Variants in HEATR4 observed in about 807,000 individuals in gnomAD.
HEATR4 encodes the protein HEAT repeat containing 4, also known as HEAT repeat-containing protein 4.
HEATR4 carries 95 observed loss-of-function variants against 108.8 expected under a neutral mutation model. That is an observed-to-expected ratio of 0.87 (90% CI 0.74 to 1.04). The LOEUF (loss-of-function observed/expected upper bound fraction) is 1.04. Ranked by LOEUF, HEATR4 falls within the 50% of genes least tolerant of loss-of-function variation. HEATR4 has a pLI of 0.00. For synonymous variants in HEATR4, 443 were observed against 459.4 expected, an observed-to-expected ratio of 0.96 and a Z score of 0.46; for missense variants, 1,152 against 1,253.8, an observed-to-expected ratio of 0.92 and a Z score of 1.23.
the HEATR4 span, among the ~76,000 whole-genome samples, chr14:73,608,431 C>A: frequency 6.6e-6 from 1 of 152,178 alleles, no homozygotes; most frequent in East Asian, 1.9e-4. Flanking sequence ...ACTTCAGTTC[C>A]CAACAAGTTC....
chr14:73,569,624 C>A, the HEATR4 span: 1 of 1,600,936 alleles, frequency 6.2e-7, no homozygotes, highest in Non-Finnish European at 8.5e-7. Context: ...AGCGCGCGCC[C>A]GCGCTGGGCG....
At chr14:73,583,635 C>G in the HEATR4 span, among the ~76,000 whole-genome samples, 2,730 of 152,014 alleles carry the variant, frequency 0.018, 83 homozygotes, top group African/African-American at 0.06. Flanking sequence ...TGATCCACAG[C>G]TGTTAACATT....
chr14:73,573,365 A>G, the HEATR4 span: 1 of 1,613,218 alleles, frequency 6.2e-7, no homozygotes, highest in Admixed American at 1.7e-5. Context: ...TTAGTTTTGC[A>G]TTTTGTTTTG....
the HEATR4 span, chr14:73,595,700 G>A: frequency 6.6e-7 from 1 of 1,504,002 alleles, no homozygotes; most frequent in Non-Finnish European, 8.9e-7. Context: ...TCAGATTCTA[G>A]TGTTCAGTAA....
chr14:73,632,259 A>T, the HEATR4 span, among the ~76,000 whole-genome samples: 1 of 152,082 alleles, frequency 6.6e-6, no homozygotes, highest in Non-Finnish European at 1.5e-5. Flanking sequence ...TACAGGCATG[A>T]GCCACCATGC....
chr14:73,494,382 G>A (rs61987093), intron 16 of HEATR4, among the ~76,000 whole-genome samples: 21,661 of 152,146 alleles, frequency 0.14, 2,236 homozygotes, highest in Non-Finnish European at 0.21. Context: ...TTTAGGTTGC[G>A]TCTGGGACTC....
intron 7 of HEATR4, among the ~76,000 whole-genome samples, chr14:73,509,811 C>CAT (rs1566832128): frequency 5.1e-5 from 1 of 19,492 alleles, no homozygotes; most frequent in Non-Finnish European, 9.0e-5. Flanking sequence ...CCCATGAGCC[C>CAT]ATATATATAT....
the HEATR4 span, chr14:73,569,550 A>G: frequency 2.5e-6 from 4 of 1,604,040 alleles, no homozygotes; most frequent in Non-Finnish European, 3.4e-6. Flanking sequence ...GCGCGACGAG[A>G]AGGGCGCGCT....
At chr14:73,526,125 G>A (rs1888323737) in intron 2 of HEATR4, among the ~76,000 whole-genome samples, 1 of 152,168 alleles carries the variant, frequency 6.6e-6, no homozygotes, top group South Asian at 2.1e-4. Flanking sequence ...GAGAGAATCT[G>A]TGCATGTGGT....
At chr14:73,480,221 C>T (rs1049193462) in intron 17 of HEATR4, among the ~76,000 whole-genome samples, 1 of 152,146 alleles carries the variant, frequency 6.6e-6, no homozygotes, top group Non-Finnish European at 1.5e-5. Flanking sequence ...GCAGGCAGCT[C>T]ACTTGAGGTC....
intron 2 of HEATR4, among the ~76,000 whole-genome samples, chr14:73,528,116 T>C (rs933842637): frequency 6.6e-6 from 1 of 151,234 alleles, no homozygotes; most frequent in Non-Finnish European, 1.5e-5. Flanking sequence ...TTAAGGAGGC[T>C]ATGCGCGGTG....
intron 17 of HEATR4, among the ~76,000 whole-genome samples, chr14:73,480,303 A>G (rs1023857421): frequency 2.6e-5 from 4 of 152,032 alleles, no homozygotes; most frequent in Non-Finnish European, 5.9e-5. Context: ...TTAGCCAGGC[A>G]TGGCGCAGAT....
chr14:73,501,837 T>G (rs1013550392), intron 11 of HEATR4, among the ~76,000 whole-genome samples: 1 of 151,700 alleles, frequency 6.6e-6, no homozygotes, highest in Non-Finnish European at 1.5e-5. Flanking sequence ...CACTGCAAGC[T>G]CCAACTCCCA....
the HEATR4 span, among the ~76,000 whole-genome samples, chr14:73,621,151 T>C: frequency 6.6e-6 from 1 of 152,024 alleles, no homozygotes. Context: ...AGGTGGAGGT[T>C]GCAGTGAGCC....
rs144581100 is a variant in HEATR4 at position 73,527,924 on chromosome 14, G to A, written c.-73+2242C>T. ...AACCTGACAGGCAGAGGTTGCCACCGTACTCCAGCCTGGGTAACAGGGGCA... is the reference window on the plus strand; with the variant it reads ...AACCTGACAGGCAGAGGTTGCCACCATACTCCAGCCTGGGTAACAGGGGCA... On this transcript the variant is annotated intron_variant, in intron 2 of 17. Transcript: ENST00000553558. Among the ~76,000 whole-genome samples, 912 of 131,666 alleles carry A rather than the reference G, an allele frequency of 6.9e-3. 8 individuals carry two copies. The highest frequency in any genetic ancestry group is 0.01 in the Non-Finnish European group (670 of 65,026). 86.4% of individuals were successfully genotyped at this position (131,666 alleles called of 152,430 possible).
intron 9 of HEATR4, 28 bp downstream of exon 9, chr14:73,508,106 T>G (rs776133547): frequency 3.7e-6 from 6 of 1,609,234 alleles, no homozygotes; most frequent in Non-Finnish European, 5.1e-6. Context: ...TCCCCAAAAC[T>G]GTGTCTGACC....
chr14:73,520,877 G>A lies in HEATR4; in HGVS notation c.1044C>T (p.Asn348=). 1 of 1,614,066 alleles carries A rather than the reference G, an allele frequency of 6.2e-7. No homozygotes were observed. Among genetic ancestry groups the A allele is most frequent in the Non-Finnish European group, 8.5e-7 (1 of 1,180,006 alleles). The change falls in exon 4 of 18, where the codon AAC becomes AAT. Residue 348 remains asparagine (N), a synonymous_variant. Transcript: ENST00000553558. ...CAAAGTAAATCTCCTGTTCAAAGGT[G>A]TTGTCTGTGGAGTAGGCAAACTTTC... ...RAGKFAYSTD[N]TFEQEIYFDE...
the HEATR4 span, among the ~76,000 whole-genome samples, chr14:73,614,492 C>A: frequency 6.6e-6 from 1 of 152,002 alleles, no homozygotes; most frequent in African/African-American, 2.4e-5. Flanking sequence ...GTAATCCTAG[C>A]ACTTTGGGAG....
At chr14:73,594,317 A>G in the HEATR4 span, among the ~76,000 whole-genome samples, 8 of 152,204 alleles carry the variant, frequency 5.3e-5, no homozygotes, top group Non-Finnish European at 1.2e-4. Context: ...CATATGGCAA[A>G]TGATCTGATG....
Sources: gnomAD v4.1 joint callset for allele counts (sites outside exome capture counted in the v4.1 genomes callset) on GRCh38, gnomAD v4.1.1 for gene constraint, MANE v1.5 for transcripts, NCBI Gene and HGNC (gene_info 2026-07-23, HGNC 2026-07-21) for gene names.